Variants in LRMDA observed in about 807,000 individuals in gnomAD.
LRMDA encodes leucine rich melanocyte differentiation associated, also known as leucine-rich melanocyte differentiation-associated protein.
In LRMDA, 18 loss-of-function variants were observed where a neutral mutation model predicts 29.8. The ratio of observed to expected loss-of-function variants is 0.60; its 90% CI spans 0.42 to 0.90. The LOEUF is 0.90. Ranked by LOEUF, LRMDA falls within the 40% of genes least tolerant of loss-of-function variation. The pLI, the probability that LRMDA is intolerant of heterozygous loss-of-function variation, is 0.00. For synonymous variants in LRMDA, 125 were observed against 109.4 expected, an observed-to-expected ratio of 1.14 and a Z score of -0.89; for missense variants, 273 against 273.9, an observed-to-expected ratio of 1.00 and a Z score of 0.02.
At chr10:75,775,547 C>T (rs1158038633) in intron 2 of LRMDA, among the ~76,000 whole-genome samples, 1 of 152,220 alleles carries the variant, frequency 6.6e-6, no homozygotes, top group Non-Finnish European at 1.5e-5. Context: ...GTCATGATGT[C>T]CCATGTGGGG....
At chr10:76,347,574 G>A (rs1009353488) in intron 6 of LRMDA, among the ~76,000 whole-genome samples, 10 of 152,074 alleles carry the variant, frequency 6.6e-5, no homozygotes, top group African/African-American at 2.2e-4. Flanking sequence ...AACATAATCC[G>A]ATGCAATTTT....
intron 2 of LRMDA, among the ~76,000 whole-genome samples, chr10:75,916,429 G>T: frequency 6.6e-6 from 1 of 152,032 alleles, no homozygotes; most frequent in East Asian, 1.9e-4. Flanking sequence ...TACCTGGATG[G>T]GATGGCTATT....
chr10:76,238,653 G>A (rs1383524549), intron 5 of LRMDA, among the ~76,000 whole-genome samples: 1 of 152,018 alleles, frequency 6.6e-6, no homozygotes, highest in Non-Finnish European at 1.5e-5. Context: ...GATAAATAAA[G>A]CTAACACAAA....
intron 5 of LRMDA, among the ~76,000 whole-genome samples, chr10:76,143,401 A>G (rs372533401): frequency 2.0e-5 from 3 of 151,702 alleles, no homozygotes; most frequent in Non-Finnish European, 2.9e-5. Context: ...GTGTGAGATG[A>G]TATCTCATTG....
intron 5 of LRMDA, among the ~76,000 whole-genome samples, chr10:76,261,363 C>T (rs955232384): frequency 7.9e-5 from 12 of 151,960 alleles, no homozygotes; most frequent in South Asian, 4.1e-4. Context: ...TGAGCTACTG[C>T]GCCCGGCTGG....
intron 2 of LRMDA, among the ~76,000 whole-genome samples, chr10:75,677,229 A>G (rs1030198925): frequency 6.6e-6 from 1 of 152,192 alleles, no homozygotes; most frequent in African/African-American, 2.4e-5. Flanking sequence ...GACTTAATTT[A>G]TAGACTAAGA....
chr10:75,602,432 C>T (rs1411972526), intron 2 of LRMDA, among the ~76,000 whole-genome samples: 1 of 152,170 alleles, frequency 6.6e-6, no homozygotes, highest in Non-Finnish European at 1.5e-5. Context: ...TTCCTCTCCA[C>T]TCAAGGTAGG....
intron 2 of LRMDA, among the ~76,000 whole-genome samples, chr10:75,581,625 C>T (rs571947750): frequency 6.6e-6 from 1 of 152,198 alleles, no homozygotes; most frequent in South Asian, 2.1e-4. Flanking sequence ...AGGATGAGTT[C>T]ATGTCCTTTG....
chr10:75,697,637 G>A (rs1201499884), intron 2 of LRMDA, among the ~76,000 whole-genome samples: 1 of 151,966 alleles, frequency 6.6e-6, no homozygotes, highest in African/African-American at 2.4e-5. Context: ...AGGGCAGTAT[G>A]CCTTTGTGGC....
intron 2 of LRMDA, among the ~76,000 whole-genome samples, chr10:75,470,869 T>C (rs936301753): frequency 2.6e-5 from 4 of 152,230 alleles, no homozygotes; most frequent in Non-Finnish European, 5.9e-5. Flanking sequence ...AGGCCAGCCC[T>C]GCCCTGCTTT....
chr10:76,055,049 G>A (rs1270224467), intron 4 of LRMDA, among the ~76,000 whole-genome samples: 4 of 81,744 alleles, frequency 4.9e-5, no homozygotes, highest in African/African-American at 2.0e-4. Flanking sequence ...GGGCAACAGA[G>A]CAAGACTCCA....
At chr10:75,501,867 C>T (rs1439939342) in intron 2 of LRMDA, among the ~76,000 whole-genome samples, 1 of 152,120 alleles carries the variant, frequency 6.6e-6, no homozygotes, top group Non-Finnish European at 1.5e-5. Context: ...CTATGTTGCC[C>T]AAGCTGGTCT....
At chr10:76,378,647 CT>C (rs1472297905) in intron 6 of LRMDA, among the ~76,000 whole-genome samples, 2 of 151,478 alleles carry the variant, frequency 1.3e-5, no homozygotes, top group African/African-American at 4.9e-5. Context: ...AATCATATGG[CT>C]TTTGTTTTTA....
rs573245031 is a variant in LRMDA at position 76,256,825 on chromosome 10, A to G, written c.517-67576A>G. 7.2e-5 allele frequency among the ~76,000 whole-genome samples: 11 copies of G among 152,352 alleles called. No individual in the cohort carries two copies. In the South Asian group the frequency reaches 2.3e-3, roughly 32 times the overall value. On this transcript the variant is annotated intron_variant, in intron 5 of 6. Transcript: ENST00000611255. ...TCCTAGCTCTCCAGGAAGCCTTAGC[A>G]TACATGAACTTAGCTGTAAATTCAC... is the stretch of plus-strand genomic sequence containing the variant.
In LRMDA at chr10:75,995,022, T is replaced by A. The variant is rs543037874; in HGVS notation, c.132-40986T>A. Reference sequence around the variant, plus strand: ...TTCTTTATCTGGGTGGTTTTTCCATTTATATTTTCCATTATATATTTTGGA... The same window carrying A: ...TTCTTTATCTGGGTGGTTTTTCCATATATATTTTCCATTATATATTTTGGA... On this transcript the variant is annotated intron_variant, in intron 2 of 6. Transcript: ENST00000611255. 5.3e-5 allele frequency among the ~76,000 whole-genome samples: 8 copies of A among 152,340 alleles called. No homozygotes were observed. The East Asian group carries it at 1.5e-3, about 29-fold the overall frequency.
rs145549396 is a variant in LRMDA at position 76,228,401 on chromosome 10, C to A, written c.517-96000C>A. ...ACAAAGACCATGGCATTGTAATAGA[C>A]GGAGTTTAATAGACACCAGGCCAGG... On this transcript the variant is annotated intron_variant, in intron 5 of 6. Transcript: ENST00000611255. 2.6e-5 allele frequency among the ~76,000 whole-genome samples: 4 copies of A among 152,166 alleles called. 1 individual carries two copies. The South Asian group carries it at 8.3e-4, about 32-fold the overall frequency.
At chr10:76,474,099 A>G (rs1052390525) in intron 6 of LRMDA, among the ~76,000 whole-genome samples, 1 of 151,716 alleles carries the variant, frequency 6.6e-6, no homozygotes. Context: ...TACAAAGATA[A>G]TTCACTGGGG....
chr10:76,365,270 G>A lies in LRMDA; in HGVS notation c.601+40785G>A, dbSNP rs138740829. ...TTCCTGTGGCTAGATACCCAGTAGT[G>A]GGGTTGCTGGATCAAATGGTAGTTC... On this transcript the variant is annotated intron_variant, in intron 6 of 6. Transcript: ENST00000611255. Among the ~76,000 whole-genome samples the A allele has an allele frequency of 3.3e-3, 500 of 151,772 alleles. 1 individual carries two copies. Among genetic ancestry groups the A allele is most frequent in the African/African-American group, 0.012 (479 of 41,404 alleles).
chr10:75,919,523 T>C (rs1010871321), intron 2 of LRMDA, among the ~76,000 whole-genome samples: 1 of 152,114 alleles, frequency 6.6e-6, no homozygotes, highest in Non-Finnish European at 1.5e-5. Context: ...CACCTGGGCC[T>C]TTAGGGTTTT....
Sources: allele counts gnomAD v4.1 joint callset (sites outside exome capture counted in the v4.1 genomes callset), GRCh38; gene constraint gnomAD v4.1.1; transcripts MANE v1.5; gene names NCBI Gene and HGNC (gene_info 2026-07-23, HGNC 2026-07-21).